Variants in CFAP299 observed in about 807,000 individuals in gnomAD.
CFAP299 encodes cilia- and flagella-associated protein 299.
A neutral mutation model predicts 27.0 loss-of-function variants in CFAP299; 21 were observed. That is an observed-to-expected ratio of 0.78 (90% confidence interval 0.55 to 1.12). The LOEUF (loss-of-function observed/expected upper bound fraction) is 1.12. CFAP299 is among the 50% of genes most tolerant of loss of function. The probability of loss-of-function intolerance (pLI) is 0.00; values close to 1 mark genes in which losing one functional copy is unlikely to be tolerated. For synonymous variants in CFAP299, 104 were observed against 98.1 expected, an observed-to-expected ratio of 1.06 and a Z score of -0.36; for missense variants, 310 against 276.6, an observed-to-expected ratio of 1.12 and a Z score of -0.86.
At chr4:80,450,574 C>T (rs1192230808) in intron 2 of CFAP299, among the ~76,000 whole-genome samples, 3 of 151,774 alleles carry the variant, frequency 2.0e-5, no homozygotes, top group Non-Finnish European at 4.4e-5. Flanking sequence ...TATCTTTGTG[C>T]ACTGATGGTT....
intron 3 of CFAP299, among the ~76,000 whole-genome samples, chr4:80,827,357 T>C (rs1240465492): frequency 6.6e-6 from 1 of 151,814 alleles, no homozygotes; most frequent in Non-Finnish European, 1.5e-5. Flanking sequence ...TGATTATACA[T>C]CATGACCAAG....
intron 3 of CFAP299, among the ~76,000 whole-genome samples, chr4:80,802,913 A>C (rs1728683906): frequency 6.6e-6 from 1 of 152,048 alleles, no homozygotes; most frequent in Non-Finnish European, 1.5e-5. Flanking sequence ...TAGAACCTGG[A>C]AACAGCTGTA....
intron 2 of CFAP299, among the ~76,000 whole-genome samples, chr4:80,490,261 C>T (rs1731046973): frequency 6.6e-6 from 1 of 152,170 alleles, no homozygotes; most frequent in Admixed American, 6.5e-5. Flanking sequence ...TTTCTAGGTG[C>T]TGCTTTAGTG....
chr4:80,390,901 GCA>G (rs1725420523), intron 2 of CFAP299, among the ~76,000 whole-genome samples: 1 of 101,372 alleles, frequency 9.9e-6, no homozygotes, highest in African/African-American at 3.2e-5. Context: ...ACACACATAT[GCA>G]TATATGTATA....
At chr4:80,942,506 A>T (rs113553251) in intron 4 of CFAP299, among the ~76,000 whole-genome samples, 5,802 of 152,256 alleles carry the variant, frequency 0.038, 220 homozygotes, top group African/African-American at 0.097. Flanking sequence ...TACTAATAAT[A>T]ATCAGCTACT....
chr4:80,341,620 TAGAA>T lies in CFAP299; in HGVS notation c.111+5747_111+5750del, dbSNP rs146827132. On this transcript the variant is annotated intron_variant, in intron 1 of 5. Transcript: ENST00000358105. ...AATGGCCTGAGATTTAAAAGAAAAATAGAAAGAAACAACAACAACAAAGACCCCA... is the reference window on the plus strand; with the variant it reads ...AATGGCCTGAGATTTAAAAGAAAAATAGAAACAACAACAACAAAGACCCCA... 7.9e-3 allele frequency among the ~76,000 whole-genome samples: 1,194 copies of T among 151,876 alleles called. 13 individuals carry two copies. The highest frequency in any genetic ancestry group is 0.027 in the African/African-American group (1,108 of 41,402).
intron 2 of CFAP299, among the ~76,000 whole-genome samples, chr4:80,399,808 G>A (rs145492721): frequency 1.7e-4 from 26 of 152,204 alleles, no homozygotes; most frequent in African/African-American, 6.0e-4. Context: ...CCTGCACGTT[G>A]TGCACGTGTA....
intron 3 of CFAP299, among the ~76,000 whole-genome samples, chr4:80,586,936 CT>C (rs61630070): frequency 0.045 from 6,909 of 152,164 alleles, 552 homozygotes; most frequent in African/African-American, 0.16. Context: ...TTGCCTACAG[CT>C]TTTCCTTCAG....
chr4:80,530,119 A>G (rs890743643), intron 2 of CFAP299, among the ~76,000 whole-genome samples: 12 of 152,156 alleles, frequency 7.9e-5, no homozygotes, highest in Admixed American at 1.3e-4. Context: ...AAATATTTCT[A>G]TTAAGTCCAC....
At chr4:80,901,013 G>T (rs977294733) in intron 4 of CFAP299, among the ~76,000 whole-genome samples, 4 of 151,778 alleles carry the variant, frequency 2.6e-5, no homozygotes, top group African/African-American at 9.7e-5. Flanking sequence ...AATTAAAAAG[G>T]GTTTGCAATA....
At chr4:80,829,559 G>T (rs963060515) in intron 3 of CFAP299, among the ~76,000 whole-genome samples, 1 of 151,948 alleles carries the variant, frequency 6.6e-6, no homozygotes, top group Non-Finnish European at 1.5e-5. Context: ...ATATGATCCA[G>T]CAATTTGATT....
intron 3 of CFAP299, among the ~76,000 whole-genome samples, chr4:80,780,884 A>G (rs912982270): frequency 1.3e-5 from 2 of 151,906 alleles, no homozygotes; most frequent in Non-Finnish European, 2.9e-5. Context: ...TTTTCTAAGT[A>G]TTTTATGCCT....
At chr4:80,462,879 G>A (rs1370600050) in intron 2 of CFAP299, among the ~76,000 whole-genome samples, 1 of 152,030 alleles carries the variant, frequency 6.6e-6, no homozygotes, top group East Asian at 1.9e-4. Flanking sequence ...GGAAATTTTA[G>A]GGGATTTTTA....
At chr4:80,528,814 C>T (rs943549270) in intron 2 of CFAP299, among the ~76,000 whole-genome samples, 1 of 152,104 alleles carries the variant, frequency 6.6e-6, no homozygotes, top group Non-Finnish European at 1.5e-5. Flanking sequence ...TATGGCATCA[C>T]CATCTGCTGC....
chr4:80,837,291 C>T (rs958695253), intron 3 of CFAP299, among the ~76,000 whole-genome samples: 1 of 152,034 alleles, frequency 6.6e-6, no homozygotes, highest in Non-Finnish European at 1.5e-5. Context: ...TAATATCTCT[C>T]TTGTTAAATT....
chr4:80,466,650 A>G (rs1290910518), intron 2 of CFAP299, among the ~76,000 whole-genome samples: 2 of 152,178 alleles, frequency 1.3e-5, no homozygotes, highest in Admixed American at 6.5e-5. Flanking sequence ...ATCGAAGCCA[A>G]CTTTAGCCTA....
intron 3 of CFAP299, among the ~76,000 whole-genome samples, chr4:80,780,767 A>G (rs1002165037): frequency 1.3e-5 from 2 of 151,992 alleles, no homozygotes; most frequent in Non-Finnish European, 2.9e-5. Flanking sequence ...CAAAATATGT[A>G]ATCCTGTGAG....
chr4:80,572,906 T>C (rs538587150), intron 2 of CFAP299, among the ~76,000 whole-genome samples: 9 of 152,266 alleles, frequency 5.9e-5, no homozygotes, highest in African/African-American at 2.2e-4. Flanking sequence ...CTTACAAATC[T>C]TGGCTATTGT....
At chr4:80,560,545 G>A (rs888551918) in intron 2 of CFAP299, among the ~76,000 whole-genome samples, 16 of 152,024 alleles carry the variant, frequency 1.1e-4, no homozygotes, top group East Asian at 3.9e-4. Context: ...CTTTTGGGTC[G>A]CATTTCTGAA....
Sources: gnomAD v4.1 joint callset for allele counts (sites outside exome capture counted in the v4.1 genomes callset) on GRCh38, gnomAD v4.1.1 for gene constraint, MANE v1.5 for transcripts, NCBI Gene and HGNC (gene_info 2026-07-23, HGNC 2026-07-21) for gene names.